SLC4A10: variants seen among roughly 807,000 people sequenced by gnomAD.
SLC4A10 encodes sodium-driven chloride bicarbonate exchanger.
SLC4A10 carries 42 observed loss-of-function variants against 137.7 expected under a neutral mutation model. The observed-to-expected ratio is 0.30, with a 90% CI of 0.24 to 0.39. The LOEUF is 0.39. Among genes scored for constraint, SLC4A10 ranks in the 10% least tolerant of loss-of-function variants. The probability of loss-of-function intolerance (pLI) is 1.00; values close to 1 mark genes in which losing one functional copy is unlikely to be tolerated. For synonymous variants in SLC4A10, 474 were observed against 464.1 expected (o/e 1.02, Z -0.27); for missense variants, 925 against 1,355.0 (o/e 0.68, Z 4.98).
chr2:161,710,651 T>C (rs1016558775), intron 1 of SLC4A10: 7 of 452,694 alleles, frequency 1.5e-5, no homozygotes, highest in Admixed American at 2.4e-5. Context: ...TAAAACTGAT[T>C]GTAAACTTGC....
intron 15 of SLC4A10, among the ~76,000 whole-genome samples, chr2:161,921,780 C>T (rs1258685009): frequency 6.6e-6 from 1 of 152,090 alleles, no homozygotes; most frequent in Non-Finnish European, 1.5e-5. Context: ...AAACCCAGGA[C>T]CATTTTGTCT....
chr2:161,854,825 C>T, intron 4 of SLC4A10, 145 bp from the exon 5 acceptor site: 2 of 663,552 alleles, frequency 3.0e-6, no homozygotes, highest in Non-Finnish European at 4.4e-6. Flanking sequence ...AGCCAAATGG[C>T]TTAGACTAGC....
At chr2:161,757,507 G>C (rs1029674620) in intron 1 of SLC4A10, among the ~76,000 whole-genome samples, 1 of 152,104 alleles carries the variant, frequency 6.6e-6, no homozygotes, top group African/African-American at 2.4e-5. Context: ...TTAGCAACAT[G>C]TAACTCATTT....
intron 4 of SLC4A10, among the ~76,000 whole-genome samples, chr2:161,847,347 TC>T (rs1302591070): frequency 1.3e-5 from 2 of 151,896 alleles, no homozygotes; most frequent in African/African-American, 4.8e-5. Context: ...TTTTTTTTTT[TC>T]TTTCCAACTT....
chr2:161,851,245 T>A (rs1054530964), intron 4 of SLC4A10, among the ~76,000 whole-genome samples: 6 of 152,166 alleles, frequency 3.9e-5, no homozygotes, highest in African/African-American at 1.4e-4. Flanking sequence ...AAGTGTTAAG[T>A]TTAGGTCCCA....
chr2:161,660,581 TTTCTTTCTTTCTTTC>T (rs1558969017), intron 1 of SLC4A10, among the ~76,000 whole-genome samples: 1 of 131,310 alleles, frequency 7.6e-6, no homozygotes, highest in Non-Finnish European at 1.7e-5. Flanking sequence ...TCTTTCTTTC[TTTCTTTCTTTCTTTC>T]TTTCTTTCTT....
intron 8 of SLC4A10, among the ~76,000 whole-genome samples, chr2:161,878,435 C>A (rs2061563607): frequency 6.6e-6 from 1 of 152,094 alleles, no homozygotes; most frequent in Non-Finnish European, 1.5e-5. Context: ...CTTAGCATTT[C>A]TTCTCGTTAA....
chr2:161,854,849 C>A, intron 4 of SLC4A10, 121 bp from the exon 5 acceptor site: 2 of 990,206 alleles, frequency 2.0e-6, no homozygotes, highest in East Asian at 3.1e-5. Flanking sequence ...TATATACTTC[C>A]AAAACCTATG....
At chr2:161,837,119 T>TAATA (rs1338108256) in intron 3 of SLC4A10, among the ~76,000 whole-genome samples, 1 of 152,148 alleles carries the variant, frequency 6.6e-6, no homozygotes, top group African/African-American at 2.4e-5. Context: ...GCCAGTATAA[T>TAATA]AATAAATAAA....
chr2:161,904,801 C>T lies in SLC4A10; in HGVS notation c.1643C>T (p.Ala548Val). ...AGTGCAATTGAATCTCTCTTTGGAG[C>T]ATCCATGACCGGGATAGCCTATTCT... ...RISAIESLFG[A>V]SMTGIAYSLF... The change falls in exon 14 of 27, where the codon GCA becomes GTA. Residue 548 changes from alanine to valine, a missense_variant. Transcript: ENST00000446997. 2 of 1,613,966 alleles carry T rather than the reference C, an allele frequency of 1.2e-6. No homozygotes were observed. Among genetic ancestry groups the T allele is most frequent in the South Asian group, 2.2e-5 (2 of 91,078 alleles).
intron 1 of SLC4A10, among the ~76,000 whole-genome samples, chr2:161,709,075 G>A (rs1286927202): frequency 1.3e-5 from 2 of 150,834 alleles, no homozygotes; most frequent in African/African-American, 2.4e-5. Context: ...GGGAGAGGGC[G>A]GTAAAGGAAG....
intron 2 of SLC4A10, among the ~76,000 whole-genome samples, chr2:161,779,949 G>A (rs1445628848): frequency 6.6e-6 from 1 of 151,974 alleles, no homozygotes; most frequent in East Asian, 1.9e-4. Flanking sequence ...GCACTACAAT[G>A]GTAGAGTTGA....
Position 161,903,995 on chromosome 2 carries a change from C to T in SLC4A10, c.1443-9C>T. Reference sequence around the variant, plus strand: ...GGGTTTCACTATTGTGTTTTCCCCCCTGTCTTAGGATTTTTGGGGGACTTA... The same window carrying T: ...GGGTTTCACTATTGTGTTTTCCCCCTTGTCTTAGGATTTTTGGGGGACTTA... On this transcript the variant is annotated splice_polypyrimidine_tract_variant and intron_variant, in intron 12 of 26. Transcript: ENST00000446997. 1.3e-6 allele frequency: 2 copies of T among 1,557,312 alleles called. No individual in the cohort carries two copies. Among genetic ancestry groups the T allele is most frequent in the Non-Finnish European group, 1.7e-6 (2 of 1,149,696 alleles).
At chr2:161,847,864 G>A (rs1328495595) in intron 4 of SLC4A10, among the ~76,000 whole-genome samples, 5 of 152,126 alleles carry the variant, frequency 3.3e-5, no homozygotes, top group Non-Finnish European at 7.4e-5. Context: ...ATGGTAGAAC[G>A]ATTTATATTC....
chr2:161,701,967 A>T (rs1275816395), intron 1 of SLC4A10, among the ~76,000 whole-genome samples: 1 of 151,998 alleles, frequency 6.6e-6, no homozygotes, highest in Non-Finnish European at 1.5e-5. Context: ...AATACAAAGT[A>T]GTACTGCCAC....
At position 161,964,322 on chromosome 2, in the gene SLC4A10, G is replaced by C. The variant is rs963833672; in HGVS notation, c.3036+14G>C. 2 of 1,612,334 alleles carry C rather than the reference G, an allele frequency of 1.2e-6. No individual in the cohort carries two copies. The highest frequency in any genetic ancestry group is 2.2e-5 in the South Asian group (2 of 90,832). ...TTTCCCATGATGGTATGAAACTTCT[G>C]TCAACTATTTTTCTCTTTCTCTGAT... On this transcript the variant is annotated intron_variant, in intron 22 of 26. Coordinates refer to ENST00000446997, the MANE Select transcript of SLC4A10 (RefSeq NM_001178015.2).
intron 1 of SLC4A10, among the ~76,000 whole-genome samples, chr2:161,691,598 T>C (rs1160969974): frequency 6.6e-6 from 1 of 152,098 alleles, no homozygotes; most frequent in Non-Finnish European, 1.5e-5. Flanking sequence ...AACTACTGTG[T>C]ACCCACAAAA....
At chr2:161,818,637 T>G (rs1208044251) in intron 3 of SLC4A10, among the ~76,000 whole-genome samples, 1 of 152,180 alleles carries the variant, frequency 6.6e-6, no homozygotes, top group Admixed American at 6.5e-5. Context: ...CTCTTATTAT[T>G]TTGAGATACA....
chr2:161,760,881 G>T (rs932461045), intron 1 of SLC4A10, among the ~76,000 whole-genome samples: 1 of 151,524 alleles, frequency 6.6e-6, no homozygotes, highest in East Asian at 1.9e-4. Flanking sequence ...AGAGAATGTG[G>T]TATATATATA....
Sources: gnomAD v4.1 joint callset for allele counts (sites outside exome capture counted in the v4.1 genomes callset) on GRCh38, gnomAD v4.1.1 for gene constraint, MANE v1.5 for transcripts, NCBI Gene and HGNC (gene_info 2026-07-23, HGNC 2026-07-21) for gene names.